Variants in RGL1 observed in about 807,000 individuals in gnomAD.
The protein encoded by RGL1 is ral guanine nucleotide dissociation stimulator-like 1.
A neutral mutation model predicts 95.2 loss-of-function variants in RGL1; 24 were observed. That is an observed-to-expected ratio of 0.25 (90% confidence interval 0.18 to 0.35). RGL1 has a LOEUF of 0.35. RGL1 is among the 10% of genes least tolerant of loss of function. The pLI is 1.00. For synonymous variants in RGL1, 329 were observed against 344.9 expected, an observed-to-expected ratio of 0.95 and a Z score of 0.51; for missense variants, 715 against 936.3, an observed-to-expected ratio of 0.76 and a Z score of 3.08.
intron 3 of RGL1, among the ~76,000 whole-genome samples, chr1:183,856,661 TG>T (rs1665170990): frequency 6.7e-6 from 1 of 149,920 alleles, no homozygotes; most frequent in Non-Finnish European, 1.5e-5. Flanking sequence ...TATGTTAAGG[TG>T]TTTTTTAAAA....
chr1:183,916,882 A>G (rs10797921), intron 16 of RGL1, among the ~76,000 whole-genome samples, 181 bp downstream of exon 16: 87,947 of 152,024 alleles, frequency 0.58, 25,508 homozygotes, highest in African/African-American at 0.61. Flanking sequence ...GCTGAATGAT[A>G]TATGTATATA....
At chr1:183,843,902 A>T (rs1312141515) in intron 2 of RGL1, among the ~76,000 whole-genome samples, 1 of 152,062 alleles carries the variant, frequency 6.6e-6, no homozygotes, top group Non-Finnish European at 1.5e-5. Flanking sequence ...TCTCCAGCCC[A>T]CTGCAACCTC....
At chr1:183,912,851 G>A (rs997132833) in intron 15 of RGL1, among the ~76,000 whole-genome samples, 2 of 152,176 alleles carry the variant, frequency 1.3e-5, no homozygotes, top group African/African-American at 2.4e-5. Context: ...AAGCCCACTC[G>A]CAAGCATATG....
rs138398921 is a variant in RGL1, at chr1:183,678,988, C to G, written c.-33+42487C>G. ...GCTTTTAAGTGGAAAGACTAGGAGA[C>G]GTGAGTACCAAAGTGGATGGAAGAG... On this transcript the variant is annotated intron_variant, in intron 1 of 18. Transcript: ENST00000304685. Among the ~76,000 whole-genome samples, 3 of 152,128 alleles carry G rather than the reference C, an allele frequency of 2.0e-5. No homozygotes were observed. The South Asian group carries it at 6.2e-4, about 32-fold the overall frequency.
intron 1 of RGL1, among the ~76,000 whole-genome samples, chr1:183,683,086 C>T (rs1035732661): frequency 6.6e-6 from 1 of 151,864 alleles, no homozygotes; most frequent in South Asian, 2.1e-4. Flanking sequence ...AGATGGGTCT[C>T]TTGAATACAG....
At chr1:183,858,782 C>T (rs1665324586) in intron 3 of RGL1, among the ~76,000 whole-genome samples, 1 of 152,138 alleles carries the variant, frequency 6.6e-6, no homozygotes, top group African/African-American at 2.4e-5. Flanking sequence ...TCTACTAAAG[C>T]TAACAGTAAG....
chr1:183,639,684 C>G (rs1167518017), intron 1 of RGL1, among the ~76,000 whole-genome samples: 2 of 138,968 alleles, frequency 1.4e-5, no homozygotes, highest in African/African-American at 5.6e-5. Context: ...AACTTATCAA[C>G]TAAAAACCTG....
chr1:183,660,519 A>G (rs1651537844), intron 1 of RGL1, among the ~76,000 whole-genome samples: 4 of 151,672 alleles, frequency 2.6e-5, no homozygotes, highest in Non-Finnish European at 2.9e-5. Flanking sequence ...TATCCTAAAT[A>G]TATATACACC....
At chr1:183,834,834 C>A (rs564459944) in intron 2 of RGL1, among the ~76,000 whole-genome samples, 3 of 152,086 alleles carry the variant, frequency 2.0e-5, no homozygotes, top group African/African-American at 7.2e-5. Context: ...GCACATATCA[C>A]CACACCCAGG....
At chr1:183,884,047 T>A in intron 6 of RGL1, 137 bp downstream of exon 6, 1 of 871,214 alleles carries the variant, frequency 1.1e-6, no homozygotes, top group Non-Finnish European at 1.8e-6. Context: ...CGCCTGCAGA[T>A]ACAGAGTTAA....
intron 1 of RGL1, among the ~76,000 whole-genome samples, chr1:183,682,254 T>C (rs564300858): frequency 6.6e-6 from 1 of 152,324 alleles, no homozygotes; most frequent in East Asian, 1.9e-4. Context: ...CTTTTAATTG[T>C]GATGTTAGTG....
intron 2 of RGL1, among the ~76,000 whole-genome samples, chr1:183,792,153 C>G (rs1660468060): frequency 6.6e-6 from 1 of 151,888 alleles, no homozygotes; most frequent in South Asian, 2.1e-4. Context: ...GTCTTAAAAC[C>G]TTGCAGTTTT....
intron 12 of RGL1, among the ~76,000 whole-genome samples, chr1:183,903,940 C>G (rs1167994842): frequency 6.6e-6 from 1 of 152,224 alleles, no homozygotes; most frequent in Non-Finnish European, 1.5e-5. Flanking sequence ...GCCGAGGTCA[C>G]TGGATGGCAA....
chr1:183,821,490 G>T (rs966182806), intron 2 of RGL1, among the ~76,000 whole-genome samples: 2 of 152,158 alleles, frequency 1.3e-5, no homozygotes, highest in Non-Finnish European at 2.9e-5. Context: ...TTAGTAATCT[G>T]GGGTGGCCTG....
chr1:183,645,326 T>TA (rs1411845799), intron 1 of RGL1, among the ~76,000 whole-genome samples: 1 of 152,226 alleles, frequency 6.6e-6, no homozygotes, highest in Non-Finnish European at 1.5e-5. Context: ...TCCCTGTACT[T>TA]ACTAAGTAGG....
intron 16 of RGL1, among the ~76,000 whole-genome samples, chr1:183,921,587 A>AT (rs1389967387): frequency 1.3e-5 from 2 of 152,286 alleles, no homozygotes; most frequent in Admixed American, 1.3e-4. Context: ...GCTCAGTAGG[A>AT]TTCTATTATG....
intron 2 of RGL1, among the ~76,000 whole-genome samples, chr1:183,828,795 C>T (rs1273408803): frequency 6.6e-6 from 1 of 152,200 alleles, no homozygotes; most frequent in Non-Finnish European, 1.5e-5. Context: ...CTCTGATCTG[C>T]TCCAGTCAGG....
chr1:183,908,089 C>T (rs189155174), intron 14 of RGL1, among the ~76,000 whole-genome samples: 2 of 151,938 alleles, frequency 1.3e-5, no homozygotes, highest in Non-Finnish European at 2.9e-5. Context: ...TATGCAGTAC[C>T]TAGCTCTCAA....
chr1:183,709,173 C>G (rs1450324689), intron 1 of RGL1: 1 of 152,412 alleles, frequency 6.6e-6, no homozygotes, highest in East Asian at 1.9e-4. Flanking sequence ...CGTCTCTCTT[C>G]CTGCTTCTGC....
Sources: gnomAD v4.1 joint callset for allele counts (sites outside exome capture counted in the v4.1 genomes callset) on GRCh38, gnomAD v4.1.1 for gene constraint, MANE v1.5 for transcripts, NCBI Gene and HGNC (gene_info 2026-07-23, HGNC 2026-07-21) for gene names.